Variants in G3BP1 observed in about 807,000 individuals in gnomAD.
G3BP1 encodes ras GTPase-activating protein-binding protein 1.
A neutral mutation model predicts 58.6 loss-of-function variants in G3BP1; 35 were observed. The ratio of observed to expected loss-of-function variants is 0.60; its 90% confidence interval spans 0.46 to 0.79. The LOEUF (loss-of-function observed/expected upper bound fraction) is 0.79. Ranked by LOEUF, G3BP1 falls within the 30% of genes least tolerant of loss-of-function variation. The probability of loss-of-function intolerance (pLI) is 0.00; values close to 1 mark genes in which losing one functional copy is unlikely to be tolerated. For synonymous variants in G3BP1, 191 were observed against 195.4 expected (o/e 0.98, Z 0.19); for missense variants, 523 against 580.8 (o/e 0.90, Z 1.02).
At chr5:151,783,558 T>A (rs1201799163) in intron 1 of G3BP1, among the ~76,000 whole-genome samples, 1 of 151,666 alleles carries the variant, frequency 6.6e-6, no homozygotes. Flanking sequence ...CCTGGCTAAT[T>A]TTTTGTATTT....
At chr5:151,802,691 T>G (rs1440114246) in intron 11 of G3BP1, among the ~76,000 whole-genome samples, 2 of 152,210 alleles carry the variant, frequency 1.3e-5, no homozygotes, top group Non-Finnish European at 2.9e-5. Context: ...CCCAGCACTT[T>G]GGGAGGCCGA....
Position 151,812,580 on chromosome 5 carries a change from C to T in G3BP1, c.*8489C>T, listed in dbSNP as rs1042961781. ...TTCTAATTAATGCAGAAGTCATTTG[C>T]TTTGGCCAGGTTGGGTGGGACTCTG... On this transcript the variant is annotated 3_prime_UTR_variant, in exon 12 of 12. Transcript: ENST00000356245. 24 of 152,322 alleles carry T rather than the reference C, an allele frequency of 1.6e-4. No homozygotes were observed. The highest frequency in any genetic ancestry group is 4.6e-4 in the African/African-American group (19 of 41,564). The allele number at this position is 152,322 out of a possible 1,614,324, so 9.4% of individuals were successfully genotyped here. A position where few individuals can be genotyped will look rare whatever the true frequency, so the allele number is the denominator to read the frequency against.
In G3BP1 at chr5:151,786,564, T is replaced by A; in HGVS notation, c.-49-8T>A. On this transcript the variant is annotated splice_polypyrimidine_tract_variant and splice_region_variant and intron_variant, in intron 1 of 11. Coordinates refer to ENST00000356245, the MANE Select transcript of G3BP1 (RefSeq NM_005754.3). ...ATTCGGTCTTTTCCCCTGTGTTTGATCCTTCAGGTTTGGACATATTTGACT... is the reference window on the plus strand; with the variant it reads ...ATTCGGTCTTTTCCCCTGTGTTTGAACCTTCAGGTTTGGACATATTTGACT... 1 of 1,058,646 alleles carries A rather than the reference T, an allele frequency of 9.4e-7. No individual in the cohort carries two copies. Among genetic ancestry groups the A allele is most frequent in the South Asian group, 1.3e-5 (1 of 79,420 alleles). The allele number at this position is 1,058,646 out of a possible 1,614,324, so 65.6% of individuals were successfully genotyped here. A position where few individuals can be genotyped will look rare whatever the true frequency, so the allele number is the denominator to read the frequency against.
chr5:151,777,245 A>T (rs1198213696), intron 1 of G3BP1, among the ~76,000 whole-genome samples: 2 of 152,224 alleles, frequency 1.3e-5, no homozygotes, highest in Non-Finnish European at 2.9e-5. Context: ...AGAACCAGAT[A>T]TCAAATGTTT....
chr5:151,805,873 G>T lies in G3BP1; in HGVS notation c.*1782G>T, dbSNP rs932707465. The stretch of plus-strand genomic sequence containing the variant: ...TCACTTTGGAAAAAAAAATTACTTT[G>T]TGGTAACTTCAAGGTCATAAATTAT... On this transcript the variant is annotated 3_prime_UTR_variant, in exon 12 of 12. Transcript: ENST00000356245. 1 of 152,134 alleles carries T rather than the reference G, an allele frequency of 6.6e-6. No individual in the cohort carries two copies. The highest frequency in any genetic ancestry group is 1.5e-5 in the Non-Finnish European group (1 of 68,030). The allele number at this position is 152,134 out of a possible 1,614,324, so 9.4% of individuals were successfully genotyped here.
chr5:151,792,877 A>C (rs1436902907), intron 4 of G3BP1, among the ~76,000 whole-genome samples: 1 of 152,136 alleles, frequency 6.6e-6, no homozygotes, highest in Non-Finnish European at 1.5e-5. Flanking sequence ...AGCTCTCCAA[A>C]GTGTTGGGAT....
intron 11 of G3BP1, among the ~76,000 whole-genome samples, chr5:151,803,145 G>C (rs187390165): frequency 8.5e-5 from 13 of 152,282 alleles, no homozygotes; most frequent in Non-Finnish European, 1.5e-4. Flanking sequence ...AGGTGTTAAA[G>C]AGCAAATTAA....
At chr5:151,799,751 A>G in intron 8 of G3BP1, 138 bp from the exon 9 acceptor site, 1 of 625,150 alleles carries the variant, frequency 1.6e-6, no homozygotes, top group Non-Finnish European at 2.9e-6. Flanking sequence ...AGAGAAGGGT[A>G]TAAGATGGTT....
At chr5:151,783,713 A>G (rs1477208147) in intron 1 of G3BP1, among the ~76,000 whole-genome samples, 1 of 151,906 alleles carries the variant, frequency 6.6e-6, no homozygotes, top group African/African-American at 2.4e-5. Context: ...TAACAAAATT[A>G]CTCGCTAAAC....
chr5:151,800,061 G>A, intron 9 of G3BP1, 61 bp downstream of exon 9: 1 of 1,215,168 alleles, frequency 8.2e-7, no homozygotes, highest in South Asian at 1.3e-5. Flanking sequence ...CTTATTTTGG[G>A]AGGGCAGTTG....
intron 11 of G3BP1, among the ~76,000 whole-genome samples, chr5:151,802,857 T>C (rs536776671): frequency 3.6e-4 from 55 of 152,084 alleles, no homozygotes; most frequent in Non-Finnish European, 5.7e-4. Flanking sequence ...GGCGTGAATC[T>C]GGGAGGCGGA....
intron 9 of G3BP1, 85 bp downstream of exon 9, chr5:151,800,085 TTAAAA>T (rs1180883736): frequency 1.1e-4 from 127 of 1,179,674 alleles, no homozygotes; most frequent in Non-Finnish European, 1.5e-4. Context: ...TTTATATACT[TTAAAA>T]TAAAAATATT....
Position 151,799,979 on chromosome 5 carries a change from C to G in G3BP1, c.934C>G (p.Pro312Ala). 6.2e-7 allele frequency: 1 copy of G among 1,607,564 alleles called. No individual in the cohort carries two copies. Among genetic ancestry groups the G allele is most frequent in the Non-Finnish European group, 8.5e-7 (1 of 1,174,180 alleles). ...RVREQRINIP[P>A]QRGPRPIREA... ...GCGAGAACAACGAATAAATATTCCTCCCCAAAGGGGACCCAGACCAAGTAA... is the reference window on the plus strand; with the variant it reads ...GCGAGAACAACGAATAAATATTCCTGCCCAAAGGGGACCCAGACCAAGTAA... Residue 312 changes from proline (P) to alanine (A), a missense_variant, in exon 9 of 12, where the codon CCC becomes GCC. By Grantham distance (27) the Pro-to-Ala change is conservative. This residue lies in a region of G3BP1 where 398 missense variants were observed against 399.1 expected (regional missense o/e 1.00). Transcript: ENST00000356245.
rs921645877 is a variant in G3BP1, at chr5:151,811,187, T to G, written c.*7096T>G. The G allele has an allele frequency of 2.0e-5, 3 of 152,212 alleles. No homozygotes were observed. The highest frequency in any genetic ancestry group is 7.2e-5 in the African/African-American group (3 of 41,458). 9.4% of individuals were successfully genotyped at this position (152,212 alleles called of 1,614,324 possible). A position where few individuals can be genotyped will look rare whatever the true frequency, so the allele number is the denominator to read the frequency against. On this transcript the variant is annotated 3_prime_UTR_variant, in exon 12 of 12. Transcript: ENST00000356245. ...CTTAACCTCTTACTCCAGCCTACTT[T>G]ATACACAATGTTAGATTCATCTTAC...
intron 1 of G3BP1, among the ~76,000 whole-genome samples, chr5:151,779,710 G>A (rs1762435084): frequency 6.6e-6 from 1 of 152,180 alleles, no homozygotes; most frequent in Non-Finnish European, 1.5e-5. Context: ...GTTTGCCAGG[G>A]ACAGTCCTGA....
chr5:151,794,047 A>G, intron 4 of G3BP1, 112 bp from the exon 5 acceptor site: 1 of 670,148 alleles, frequency 1.5e-6, no homozygotes, highest in Non-Finnish European at 2.7e-6. Flanking sequence ...ATGTCTCCAG[A>G]TATTGCCAGA....
chr5:151,802,598 A>G (rs368442013), intron 11 of G3BP1, among the ~76,000 whole-genome samples: 1 of 152,222 alleles, frequency 6.6e-6, no homozygotes, highest in Non-Finnish European at 1.5e-5. Context: ...TAAAGTAGGT[A>G]TCTACCATCA....
intron 1 of G3BP1, among the ~76,000 whole-genome samples, chr5:151,776,638 G>T (rs987239805): frequency 6.6e-6 from 1 of 151,152 alleles, no homozygotes; most frequent in Non-Finnish European, 1.5e-5. Flanking sequence ...TATTCTTCAT[G>T]TTTTTTCTTT....
rs1762773075 is a variant in G3BP1 at position 151,797,409 on chromosome 5, C to A, written c.722C>A (p.Thr241Lys). Residue 241 changes from threonine to lysine, a missense_variant, in exon 7 of 12, where the codon ACA becomes AAA. Thr to Lys is a moderately conservative substitution (Grantham distance 78). Transcript: ENST00000356245. ...SSPAPADIAQ[T>K]VQEDLRTFSW... The stretch of plus-strand genomic sequence containing the variant: ...CCAGCACCTGCAGACATAGCTCAGA[C>A]AGTACAGGAAGACTTGAGGGTATGA... 4.3e-6 allele frequency: 7 copies of A among 1,611,014 alleles called. No homozygotes were observed. Among genetic ancestry groups the A allele is most frequent in the Non-Finnish European group, 5.9e-6 (7 of 1,177,304 alleles).
Sources: allele counts gnomAD v4.1 joint callset (sites outside exome capture counted in the v4.1 genomes callset), GRCh38; gene constraint gnomAD v4.1.1; regional missense constraint gnomAD v4.1.1; transcripts MANE v1.5; gene names NCBI Gene and HGNC (gene_info 2026-07-23, HGNC 2026-07-21).